TPST1: variants seen among roughly 807,000 people sequenced by gnomAD.
TPST1 encodes the protein tyrosylprotein sulfotransferase 1, also known as protein-tyrosine sulfotransferase 1.
In TPST1, 20 loss-of-function variants were observed where a neutral mutation model predicts 34.8. The ratio of observed to expected loss-of-function variants is 0.57; its 90% CI spans 0.40 to 0.84. TPST1 has a LOEUF of 0.84. Among genes scored for constraint, TPST1 ranks in the 40% least tolerant of loss-of-function variants. The pLI is 0.00. For missense variants in TPST1, 353 were observed against 455.5 expected (o/e 0.78, Z 2.05); for synonymous variants, 152 against 159.4 (o/e 0.95, Z 0.35).
At chr7:66,221,793 G>C (rs1049196045) in intron 1 of TPST1, among the ~76,000 whole-genome samples, 2 of 152,118 alleles carry the variant, frequency 1.3e-5, no homozygotes, top group South Asian at 4.1e-4. Flanking sequence ...ATTACTGTTA[G>C]TATTCTAACA....
chr7:66,240,795 C>T lies in TPST1; in HGVS notation c.370C>T (p.Leu124=), dbSNP rs752091924. The T allele has an allele frequency of 3.7e-6, 6 of 1,614,080 alleles. No homozygotes were observed. The African/African-American group carries it at 8.0e-5, about 22-fold the overall frequency. ...WSRSSKEKIR[L]DEAGVTDEVL... ...ACGGTCAAGTAAAGAGAAGATCCGCCTGGATGAGGCTGGTGTTACTGATGA... is the reference window on the plus strand; with the variant it reads ...ACGGTCAAGTAAAGAGAAGATCCGCTTGGATGAGGCTGGTGTTACTGATGA... The change falls in exon 2 of 6, where the codon CTG becomes TTG. Residue 124 remains leucine, a synonymous_variant. Transcript: ENST00000304842.
intron 2 of TPST1, among the ~76,000 whole-genome samples, chr7:66,245,682 A>G (rs998987623): frequency 2.6e-5 from 4 of 152,360 alleles, no homozygotes; most frequent in South Asian, 2.1e-4. Context: ...TGGGATTAAC[A>G]GAAAGATAAC....
chr7:66,278,541 T>A (rs1047152342), intron 2 of TPST1, among the ~76,000 whole-genome samples: 2 of 151,930 alleles, frequency 1.3e-5, no homozygotes, highest in Admixed American at 6.6e-5. Flanking sequence ...TCCCAGCACT[T>A]TGGGAGGTCG....
At chr7:66,206,856 G>A (rs907568463) in intron 1 of TPST1, among the ~76,000 whole-genome samples, 3 of 152,158 alleles carry the variant, frequency 2.0e-5, no homozygotes, top group Non-Finnish European at 2.9e-5. Context: ...ATCAGCTGCT[G>A]TACAGACCAA....
At chr7:66,215,664 C>T (rs192568544) in intron 1 of TPST1, among the ~76,000 whole-genome samples, 12 of 151,686 alleles carry the variant, frequency 7.9e-5, no homozygotes, top group Non-Finnish European at 1.0e-4. Flanking sequence ...TGAGCCACCG[C>T]GCCCAGCCTC....
upstream of TPST1, among the ~76,000 whole-genome samples, chr7:66,203,415 C>G (rs1301385127): frequency 2.0e-5 from 3 of 149,738 alleles, no homozygotes; most frequent in Non-Finnish European, 4.5e-5. Flanking sequence ...AGCTGATTAT[C>G]TGTAGAAGGA....
intron 3 of TPST1, among the ~76,000 whole-genome samples, chr7:66,295,258 G>T (rs1334521625): frequency 1.3e-5 from 2 of 152,186 alleles, no homozygotes; most frequent in African/African-American, 4.8e-5. Flanking sequence ...ATTTTGGGAG[G>T]CTGAGGTGGG....
chr7:66,286,544 A>C lies in TPST1; in HGVS notation c.879A>C (p.Pro293=), dbSNP rs755300554. 2.2e-5 allele frequency: 36 copies of C among 1,602,582 alleles called. No individual in the cohort carries two copies. In the Admixed American group the frequency reaches 4.7e-4, roughly 21 times the overall value. ...VERSTDQVIK[P]VNVGALSKWV... ...GATCTACAGACCAAGTAATCAAGCC[A>C]GTCAATGTAGGAGCTCTATCAAAAT... The change falls in exon 3 of 6, where the codon CCA becomes CCC. Residue 293 remains proline, a synonymous_variant. Transcript: ENST00000304842.
intron 1 of TPST1, among the ~76,000 whole-genome samples, chr7:66,222,774 C>T (rs552853362): frequency 6.6e-6 from 1 of 152,202 alleles, no homozygotes; most frequent in African/African-American, 2.4e-5. Flanking sequence ...GGAAGATGAG[C>T]AGGAGACAGT....
At chr7:66,214,783 CGACAGTGTGA>C (rs1168277230) in intron 1 of TPST1, among the ~76,000 whole-genome samples, 1 of 149,378 alleles carries the variant, frequency 6.7e-6, no homozygotes, top group Non-Finnish European at 1.5e-5. Context: ...CCAGCCTGGG[CGACAGTGTGA>C]GACCCTGCCT....
intron 2 of TPST1, among the ~76,000 whole-genome samples, chr7:66,284,612 A>C (rs922126732): frequency 1.8e-4 from 25 of 135,914 alleles, no homozygotes; most frequent in African/African-American, 5.4e-4. Context: ...TCTGGAGTGC[A>C]GTGGTGTGAT....
At chr7:66,203,767 G>A (rs1789064424), upstream of TPST1, among the ~76,000 whole-genome samples, 1 of 152,128 alleles carries the variant, frequency 6.6e-6, no homozygotes, top group Admixed American at 6.5e-5. Context: ...TTACAGGCGT[G>A]AGCCACTGCA....
At chr7:66,345,455 C>G (rs1331197273) in intron 3 of TPST1, among the ~76,000 whole-genome samples, 1 of 134,994 alleles carries the variant, frequency 7.4e-6, no homozygotes, top group African/African-American at 2.8e-5. Context: ...CACCACTGCA[C>G]TCCAGCTTGG....
At chr7:66,212,915 T>C (rs531123648) in intron 1 of TPST1, among the ~76,000 whole-genome samples, 1 of 152,306 alleles carries the variant, frequency 6.6e-6, no homozygotes, top group South Asian at 2.1e-4. Context: ...GAAACTTTTT[T>C]CAGATAAGAA....
At chr7:66,296,360 A>C (rs1288088383) in intron 3 of TPST1, among the ~76,000 whole-genome samples, 1 of 151,200 alleles carries the variant, frequency 6.6e-6, no homozygotes, top group African/African-American at 2.4e-5. Context: ...GTGGTAATGC[A>C]TACAAACTGA....
chr7:66,327,279 C>T (rs747926006), intron 3 of TPST1, among the ~76,000 whole-genome samples: 2 of 152,070 alleles, frequency 1.3e-5, no homozygotes, highest in Admixed American at 6.5e-5. Context: ...ATTCTGTGCT[C>T]TGGACTATAA....
At chr7:66,267,923 T>TCTTTCCTTC (rs537701031) in intron 2 of TPST1, among the ~76,000 whole-genome samples, 4 of 151,942 alleles carry the variant, frequency 2.6e-5, no homozygotes, top group African/African-American at 4.8e-5. Context: ...TTTCTTTCCT[T>TCTTTCCTTC]CTTTCCTTCC....
intron 3 of TPST1, among the ~76,000 whole-genome samples, chr7:66,294,535 T>A (rs1159273715): frequency 6.6e-6 from 1 of 152,070 alleles, no homozygotes; most frequent in East Asian, 1.9e-4. Flanking sequence ...AGCTGCCTTC[T>A]TGTAAACCAT....
intron 1 of TPST1, among the ~76,000 whole-genome samples, chr7:66,209,376 C>G (rs576558369): frequency 3.5e-4 from 54 of 152,310 alleles, no homozygotes; most frequent in African/African-American, 1.3e-3. Context: ...TATATGGGAG[C>G]CGCTCATGAA....
Sources: gnomAD v4.1 joint callset for allele counts (sites outside exome capture counted in the v4.1 genomes callset) on GRCh38, gnomAD v4.1.1 for gene constraint, MANE v1.5 for transcripts, NCBI Gene and HGNC (gene_info 2026-07-23, HGNC 2026-07-21) for gene names.